The following NEGR1 variants were observed in gnomAD, a reference collection of about 807,000 sequenced individuals.
NEGR1 encodes IgLON family member 4.
NEGR1 carries 10 observed loss-of-function variants against 40.9 expected under a neutral mutation model. That is an observed-to-expected ratio of 0.24 (90% CI 0.15 to 0.42). The LOEUF (loss-of-function observed/expected upper bound fraction) is 0.42. Ranked by LOEUF, NEGR1 falls within the 10% of genes least tolerant of loss-of-function variation. NEGR1 has a pLI of 1.00. For synonymous variants in NEGR1, 185 were observed against 166.8 expected, an observed-to-expected ratio of 1.11 and a Z score of -0.84; for missense variants, 352 against 438.9, an observed-to-expected ratio of 0.80 and a Z score of 1.77.
chr1:71,694,461 T>C (rs1475017579), intron 4 of NEGR1, among the ~76,000 whole-genome samples: 1 of 151,786 alleles, frequency 6.6e-6, no homozygotes, highest in African/African-American at 2.4e-5. Flanking sequence ...AAAATTTCTT[T>C]CTATCTATAG....
intron 1 of NEGR1, among the ~76,000 whole-genome samples, chr1:71,940,673 C>A (rs1451261056): frequency 1.3e-5 from 2 of 152,074 alleles, no homozygotes; most frequent in Non-Finnish European, 2.9e-5. Flanking sequence ...TATGAAGTCC[C>A]ATTGGGTGAG....
intron 3 of NEGR1, among the ~76,000 whole-genome samples, chr1:71,724,596 G>A (rs1654613747): frequency 6.6e-6 from 1 of 152,010 alleles, no homozygotes; most frequent in South Asian, 2.1e-4. Context: ...ATATTCTTGA[G>A]CTTTGTTCTT....
intron 1 of NEGR1, among the ~76,000 whole-genome samples, chr1:72,206,444 A>G (rs1653401308): frequency 6.6e-6 from 1 of 152,142 alleles, no homozygotes; most frequent in Admixed American, 6.6e-5. Context: ...AGGATGTTAA[A>G]GTGCTTCATA....
chr1:71,852,803 A>T (rs1305742145), intron 2 of NEGR1, among the ~76,000 whole-genome samples: 1 of 152,024 alleles, frequency 6.6e-6, no homozygotes, highest in Non-Finnish European at 1.5e-5. Flanking sequence ...AAAAAAAAAA[A>T]AGCTGATGTG....
chr1:71,974,791 C>T (rs1163947110), intron 1 of NEGR1, among the ~76,000 whole-genome samples: 1 of 152,140 alleles, frequency 6.6e-6, no homozygotes, highest in Non-Finnish European at 1.5e-5. Context: ...ATATGACAGA[C>T]TAATGCAGGT....
chr1:71,583,121 AAAATAAATAAAT>A (rs56672219), intron 6 of NEGR1, among the ~76,000 whole-genome samples: 2,965 of 149,362 alleles, frequency 0.02, 103 homozygotes, highest in African/African-American at 0.068. Flanking sequence ...ACAGAAAGTA[AAAATAAATAAAT>A]AAATAAATAA....
In NEGR1 at chr1:71,610,962, A is replaced by G. The variant is rs190127810; in HGVS notation, c.788+64T>C. 16 of 1,541,680 alleles carry G rather than the reference A, an allele frequency of 1.0e-5. 1 individual carries two copies. Among genetic ancestry groups the G allele is most frequent in the South Asian group, 8.0e-5 (7 of 87,610 alleles). On this transcript the variant is annotated intron_variant, in intron 5 of 6. Coordinates refer to ENST00000357731, the MANE Select transcript of NEGR1 (RefSeq NM_173808.3). ...GTTAAAGAAATTGCCTAAAGTAAGT[A>G]TCTGAAACACAAGCACGTTAGCTCA... is the stretch of plus-strand genomic sequence containing the variant.
At chr1:71,792,679 T>G (rs1183775436) in intron 2 of NEGR1, among the ~76,000 whole-genome samples, 2 of 152,148 alleles carry the variant, frequency 1.3e-5, no homozygotes, top group Non-Finnish European at 2.9e-5. Flanking sequence ...AACATGGTGC[T>G]TTTGATAGGG....
rs191720268 is a variant in NEGR1, at chr1:72,078,709, G to A, written c.177-143398C>T. ...GGCTGGAGTGCAATGGCGTGATTTC[G>A]GCTCACTGTAATCTCTGCCTCCTGG... On this transcript the variant is annotated intron_variant, in intron 1 of 6. Transcript: ENST00000357731. 2.2e-3 allele frequency among the ~76,000 whole-genome samples: 327 copies of A among 147,240 alleles called. 1 individual carries two copies. Among genetic ancestry groups the A allele is most frequent in the African/African-American group, 4.2e-3 (167 of 39,914 alleles).
chr1:72,183,363 C>T (rs1424910203), intron 1 of NEGR1, among the ~76,000 whole-genome samples: 2 of 152,044 alleles, frequency 1.3e-5, no homozygotes, highest in Non-Finnish European at 2.9e-5. Context: ...TCAAGAACTT[C>T]CTATCAGCCA....
intron 1 of NEGR1, among the ~76,000 whole-genome samples, chr1:72,035,448 T>TA (rs1248925303): frequency 1.7e-4 from 26 of 152,264 alleles, no homozygotes; most frequent in African/African-American, 6.3e-4. Context: ...TGTTTAAACA[T>TA]AAAGACAGAG....
rs575158884 is a variant in NEGR1 at position 71,735,938 on chromosome 1, A to C, written c.536-37799T>G. On this transcript the variant is annotated intron_variant, in intron 3 of 6. Coordinates refer to ENST00000357731, the MANE Select transcript of NEGR1 (RefSeq NM_173808.3). ...GTCATCTACTTTGTAATCATGCTGT[A>C]GACTATAAAAAGTCCTTACCTTTTA... Among the ~76,000 whole-genome samples the C allele has an allele frequency of 1.4e-3, 207 of 152,222 alleles. 1 individual carries two copies. Among genetic ancestry groups the C allele is most frequent in the African/African-American group, 4.7e-3 (195 of 41,566 alleles).
At chr1:72,127,704 G>A (rs2100305159) in intron 1 of NEGR1, among the ~76,000 whole-genome samples, 1 of 151,950 alleles carries the variant, frequency 6.6e-6, no homozygotes, top group South Asian at 2.1e-4. Context: ...TGTCTTCAGC[G>A]CATCTACATC....
intron 6 of NEGR1, among the ~76,000 whole-genome samples, chr1:71,562,580 A>T (rs565990809): frequency 5.3e-5 from 8 of 152,062 alleles, no homozygotes; most frequent in African/African-American, 1.9e-4. Flanking sequence ...AGATTTCCTA[A>T]GGCACAAGGA....
At chr1:71,572,862 A>T (rs1162109257) in intron 6 of NEGR1, among the ~76,000 whole-genome samples, 1 of 152,056 alleles carries the variant, frequency 6.6e-6, no homozygotes, top group Non-Finnish European at 1.5e-5. Flanking sequence ...AGAGTAATCA[A>T]TGAATAGTCG....
chr1:71,761,580 T>C (rs188065714), intron 3 of NEGR1, among the ~76,000 whole-genome samples: 22 of 152,294 alleles, frequency 1.4e-4, no homozygotes, highest in African/African-American at 5.1e-4. Context: ...ATACTGCTTC[T>C]TTATCTTTCT....
chr1:71,998,969 T>C (rs1195440261), intron 1 of NEGR1, among the ~76,000 whole-genome samples: 1 of 151,864 alleles, frequency 6.6e-6, no homozygotes, highest in African/African-American at 2.4e-5. Flanking sequence ...ACATCTATCT[T>C]AGCACGTCAT....
At chr1:71,458,341 C>G (rs1646689835) in intron 6 of NEGR1, among the ~76,000 whole-genome samples, 1 of 152,154 alleles carries the variant, frequency 6.6e-6, no homozygotes, top group Non-Finnish European at 1.5e-5. Context: ...TAAACATTGT[C>G]CTGTTTTAAC....
chr1:72,148,816 C>T (rs544757278), intron 1 of NEGR1, among the ~76,000 whole-genome samples: 1 of 152,340 alleles, frequency 6.6e-6, no homozygotes, highest in South Asian at 2.1e-4. Flanking sequence ...GAGACCACCT[C>T]AGGCTGGACC....
Sources: allele counts gnomAD v4.1 joint callset (sites outside exome capture counted in the v4.1 genomes callset), GRCh38; gene constraint gnomAD v4.1.1; transcripts MANE v1.5; gene names NCBI Gene and HGNC (gene_info 2026-07-23, HGNC 2026-07-21).